CPPED1: variants seen among roughly 807,000 people sequenced by gnomAD.
CPPED1 encodes calcineurin like phosphoesterase domain containing 1.
Under a neutral mutation model 28.0 loss-of-function variants are expected in CPPED1, and 28 were observed. The ratio of observed to expected loss-of-function variants is 1.00; its 90% CI spans 0.74 to 1.37. The LOEUF (loss-of-function observed/expected upper bound fraction) is 1.37, where lower values mean the gene tolerates loss of function less well. Ranked by LOEUF, CPPED1 falls within the 40% of genes most tolerant of loss-of-function variation. CPPED1 has a pLI of 0.00. For synonymous variants in CPPED1, 198 were observed against 180.2 expected (o/e 1.10, Z -0.79); for missense variants, 504 against 416.5 (o/e 1.21, Z -1.83).
chr16:12,685,241 G>A (rs538647461), intron 3 of CPPED1, among the ~76,000 whole-genome samples: 2 of 152,322 alleles, frequency 1.3e-5, no homozygotes, highest in South Asian at 4.1e-4. Context: ...CCTGAGGTCA[G>A]GAGTTTGAGA....
At chr16:12,687,982 G>A (rs1391478285) in intron 3 of CPPED1, among the ~76,000 whole-genome samples, 1 of 151,178 alleles carries the variant, frequency 6.6e-6, no homozygotes, top group Non-Finnish European at 1.5e-5. Flanking sequence ...GGAATGGAAT[G>A]TCACTAACAT....
At chr16:12,739,856 T>A (rs1240485153) in intron 2 of CPPED1, among the ~76,000 whole-genome samples, 1 of 152,152 alleles carries the variant, frequency 6.6e-6, no homozygotes, top group Non-Finnish European at 1.5e-5. Context: ...CCTCCCTTCC[T>A]GCCTTCTTCT....
intron 3 of CPPED1, among the ~76,000 whole-genome samples, chr16:12,684,965 G>T (rs1475295521): frequency 6.6e-6 from 1 of 152,166 alleles, no homozygotes; most frequent in African/African-American, 2.4e-5. Flanking sequence ...GGAAGGGAGA[G>T]TTCCCGTATT....
chr16:12,795,127 C>T (rs1323627153), intron 1 of CPPED1, among the ~76,000 whole-genome samples: 1 of 152,248 alleles, frequency 6.6e-6, no homozygotes, highest in Non-Finnish European at 1.5e-5. Context: ...CTGTCCCAGG[C>T]AGCACTCTGG....
chr16:12,721,366 G>A (rs2080139075), intron 2 of CPPED1, among the ~76,000 whole-genome samples: 1 of 152,162 alleles, frequency 6.6e-6, no homozygotes, highest in South Asian at 2.1e-4. Context: ...CAGACAGAAC[G>A]AGAAACAAAT....
chr16:12,748,829 G>T (rs2080308317), intron 2 of CPPED1, among the ~76,000 whole-genome samples: 1 of 149,578 alleles, frequency 6.7e-6, no homozygotes, highest in Non-Finnish European at 1.5e-5. Context: ...GCTGCAGTGA[G>T]CAGAGATCTC....
intron 2 of CPPED1, among the ~76,000 whole-genome samples, chr16:12,735,404 G>A (rs1007183152): frequency 2.0e-5 from 3 of 152,154 alleles, no homozygotes; most frequent in African/African-American, 7.2e-5. Flanking sequence ...TGATTCTCCC[G>A]CCTTAGCGTT....
At chr16:12,680,397 C>T (rs1303714427) in intron 3 of CPPED1, among the ~76,000 whole-genome samples, 2 of 152,080 alleles carry the variant, frequency 1.3e-5, no homozygotes, top group African/African-American at 4.8e-5. Context: ...CCCTCTGCCC[C>T]CACACTGCTA....
At chr16:12,689,523 C>A (rs943102847) in intron 3 of CPPED1, among the ~76,000 whole-genome samples, 2 of 151,942 alleles carry the variant, frequency 1.3e-5, no homozygotes, top group Non-Finnish European at 2.9e-5. Flanking sequence ...AGCCACCACA[C>A]CCAGCCAGTA....
intron 3 of CPPED1, among the ~76,000 whole-genome samples, chr16:12,666,355 T>C (rs544869920): frequency 6.6e-6 from 1 of 151,920 alleles, no homozygotes; most frequent in Non-Finnish European, 1.5e-5. Flanking sequence ...TCTTAGAAGA[T>C]CATAGAGACT....
At chr16:12,737,513 C>T (rs2080232825) in intron 2 of CPPED1, among the ~76,000 whole-genome samples, 2 of 152,212 alleles carry the variant, frequency 1.3e-5, no homozygotes, top group Non-Finnish European at 2.9e-5. Context: ...ATTCTCAGAG[C>T]AACCGGCAGC....
intron 3 of CPPED1, among the ~76,000 whole-genome samples, chr16:12,688,743 T>A (rs929790422): frequency 6.6e-6 from 1 of 152,354 alleles, no homozygotes; most frequent in East Asian, 1.9e-4. Context: ...CTCCACCTCA[T>A]GTGTTTCCCT....
At chr16:12,697,028 T>C (rs1377693041) in intron 3 of CPPED1, among the ~76,000 whole-genome samples, 1 of 152,138 alleles carries the variant, frequency 6.6e-6, no homozygotes, top group East Asian at 1.9e-4. Flanking sequence ...TCTTTATTTT[T>C]ATTTTTTATT....
intron 2 of CPPED1, among the ~76,000 whole-genome samples, chr16:12,770,930 C>G (rs2080466876): frequency 6.6e-6 from 1 of 151,888 alleles, no homozygotes; most frequent in Admixed American, 6.6e-5. Context: ...AGCATGCTGA[C>G]ATTGATGCAC....
In CPPED1 at chr16:12,662,735, T is replaced by C. The variant is rs1228565568; in HGVS notation, c.*2151A>G. On this transcript the variant is annotated 3_prime_UTR_variant, in exon 4 of 4. Coordinates refer to ENST00000381774, the MANE Select transcript of CPPED1 (RefSeq NM_018340.3). The stretch of plus-strand genomic sequence containing the variant: ...TTCATTCTTTTTAGTGGCTGAATAG[T>C]ATTCCATTATGTATACATACCACAT... 1.3e-5 allele frequency: 2 copies of C among 152,262 alleles called. No homozygotes were observed. Among genetic ancestry groups the C allele is most frequent in the Admixed American group, 6.5e-5 (1 of 15,288 alleles). 9.4% of individuals were successfully genotyped at this position (152,262 alleles called of 1,614,324 possible).
At chr16:12,717,971 C>A (rs1273563697) in intron 2 of CPPED1, among the ~76,000 whole-genome samples, 1 of 152,158 alleles carries the variant, frequency 6.6e-6, no homozygotes, top group Non-Finnish European at 1.5e-5. Context: ...TCAAATTTAC[C>A]CTTCGTAAAC....
intron 2 of CPPED1, among the ~76,000 whole-genome samples, chr16:12,725,422 G>C (rs2080164707): frequency 6.6e-6 from 1 of 152,160 alleles, no homozygotes; most frequent in Non-Finnish European, 1.5e-5. Context: ...TGTTTACTTT[G>C]AAGGGACTTG....
intron 2 of CPPED1, among the ~76,000 whole-genome samples, chr16:12,755,481 T>C (rs1376027193): frequency 6.6e-6 from 1 of 151,732 alleles, no homozygotes; most frequent in Non-Finnish European, 1.5e-5. Context: ...GGGGTCTCAC[T>C]ATGTGGCTGA....
At chr16:12,690,499 G>A (rs553452681) in intron 3 of CPPED1, among the ~76,000 whole-genome samples, 7 of 150,736 alleles carry the variant, frequency 4.6e-5, no homozygotes, top group African/African-American at 7.3e-5. Flanking sequence ...GGGCAATAGC[G>A]CAAGACTCCT....
Sources: allele counts gnomAD v4.1 joint callset (sites outside exome capture counted in the v4.1 genomes callset), GRCh38; gene constraint gnomAD v4.1.1; transcripts MANE v1.5; gene names NCBI Gene and HGNC (gene_info 2026-07-23, HGNC 2026-07-21).